Variants in FYB2 observed in about 807,000 individuals in gnomAD.
FYB2 encodes the protein FYN binding protein 2.
Under a neutral mutation model 94.1 loss-of-function variants are expected in FYB2, and 103 were observed. The observed-to-expected ratio is 1.09, with a 90% confidence interval of 0.93 to 1.29. The LOEUF is 1.29. Among genes scored for constraint, FYB2 ranks in the 50% most tolerant of loss-of-function variants. The pLI is 0.00. For synonymous variants in FYB2, 293 were observed against 287.9 expected, an observed-to-expected ratio of 1.02 and a Z score of -0.18; for missense variants, 896 against 841.5, an observed-to-expected ratio of 1.06 and a Z score of -0.80.
chr1:56,748,354 T>C (rs958237863), intron 9 of FYB2, among the ~76,000 whole-genome samples: 1 of 152,128 alleles, frequency 6.6e-6, no homozygotes, highest in African/African-American at 2.4e-5. Context: ...TGCCTAGGTT[T>C]TCTTCTTGGG....
At chr1:56,755,819 C>T in intron 7 of FYB2, 77 bp downstream of exon 7, 1 of 1,385,876 alleles carries the variant, frequency 7.2e-7, no homozygotes, top group Non-Finnish European at 1.0e-6. Flanking sequence ...CATAGCTGGC[C>T]CATAGAGGAA....
chr1:56,759,258 G>T (rs1557619511), intron 5 of FYB2, among the ~76,000 whole-genome samples: 1 of 152,150 alleles, frequency 6.6e-6, no homozygotes. Flanking sequence ...TTTATTTAAT[G>T]ACATGATGCC....
chr1:56,758,608 G>T (rs954481790), intron 6 of FYB2, 108 bp downstream of exon 6: 12 of 887,276 alleles, frequency 1.4e-5, no homozygotes, highest in Non-Finnish European at 2.0e-5. Flanking sequence ...GAAATAGGAG[G>T]AAAAATGAAA....
rs765537237 is a variant in FYB2, at chr1:56,789,070, G to A, written c.822C>T (p.Ser274=). The change falls in exon 3 of 20, where the codon TCC becomes TCT. Residue 274 remains serine (S), a synonymous_variant. Transcript: ENST00000343433. ...PKTKPLPSID[S]LGPPPPKPSR... ...AAGGCTTTGGGGGAGGAGGACCCAG[G>A]GAGTCGATGGAGGGCAATGGCTTTG... The A allele has an allele frequency of 4.3e-6, 7 of 1,613,356 alleles. No individual in the cohort carries two copies. The highest frequency in any genetic ancestry group is 1.6e-4 in the Middle Eastern group (1 of 6,070).
chr1:56,814,699 T>C (rs1324476555), intron 1 of FYB2, among the ~76,000 whole-genome samples: 1 of 152,178 alleles, frequency 6.6e-6, no homozygotes, highest in Non-Finnish European at 1.5e-5. Context: ...TATCTGAACT[T>C]AACCCAGGCC....
rs1570117284 is a variant in FYB2, at chr1:56,778,589, T to C, written c.953+8586A>G. On this transcript the variant is annotated intron_variant, in intron 4 of 19. Coordinates refer to ENST00000343433, the MANE Select transcript of FYB2 (RefSeq NM_001004303.5). Reference sequence around the variant, plus strand: ...TACTGTTCTAGAATATAAAAATAAATAGCAGTCAATGTCCTTAAACTCAGG... The same window carrying C: ...TACTGTTCTAGAATATAAAAATAAACAGCAGTCAATGTCCTTAAACTCAGG... Among the ~76,000 whole-genome samples, 7 of 152,292 alleles carry C rather than the reference T, an allele frequency of 4.6e-5. No homozygotes were observed. In the South Asian group the frequency reaches 1.2e-3, roughly 27 times the overall value.
rs34101290 is a variant in FYB2 at position 56,791,260 on chromosome 1, C to CT, written c.757+795dup. Among the ~76,000 whole-genome samples, 1,072 of 143,722 alleles carry CT rather than the reference C, an allele frequency of 7.5e-3. 7 individuals are homozygous for CT. The highest frequency in any genetic ancestry group is 0.022 in the East Asian group (109 of 4,878). 94.3% of individuals were successfully genotyped at this position (143,722 alleles called of 152,430 possible). ...GGTAGTAAAAAACTACAGTCCTTAT[C>CT]TTTTTTTTTTTTTTAGACAGGATCT... is the stretch of plus-strand genomic sequence containing the variant. On this transcript the variant is annotated intron_variant, in intron 2 of 19. Transcript: ENST00000343433.
chr1:56,789,030 C>A lies in FYB2; in HGVS notation c.862G>T (p.Val288Leu). 1 of 1,614,020 alleles carries A rather than the reference C, an allele frequency of 6.2e-7. No individual in the cohort carries two copies. The highest frequency in any genetic ancestry group is 2.2e-5 in the East Asian group (1 of 44,864). ...PPPKPSRPPI[V>L]NLQAFQRQPA... ...TGCCTCTGAAAGGCCTGGAGGTTCA[C>A]GATGGGAGGTCTTGAAGGCTTTGGG... The change falls in exon 3 of 20, where the codon GTG becomes TTG. Residue 288 changes from valine (V) to leucine (L), a missense_variant. Transcript: ENST00000343433.
chr1:56,810,155 T>C (rs1036814442), intron 1 of FYB2, among the ~76,000 whole-genome samples: 2 of 152,190 alleles, frequency 1.3e-5, no homozygotes, highest in South Asian at 2.1e-4. Flanking sequence ...GCAGAGTACA[T>C]GTTCAGTAAA....
At chr1:56,731,805 TA>T (rs1644716950) in intron 15 of FYB2, 1 of 152,136 alleles carries the variant, frequency 6.6e-6, no homozygotes, top group Non-Finnish European at 1.5e-5. Context: ...CCTTTCATAA[TA>T]AAAGCTCTCA....
intron 1 of FYB2, among the ~76,000 whole-genome samples, chr1:56,810,266 G>C (rs959638159): frequency 1.3e-5 from 2 of 152,024 alleles, no homozygotes; most frequent in African/African-American, 4.8e-5. Context: ...CTCCAATTTT[G>C]CCTCCTTCTT....
At chr1:56,729,120 T>G (rs1361733) in intron 15 of FYB2, among the ~76,000 whole-genome samples, 8,149 of 152,196 alleles carry the variant, frequency 0.054, 284 homozygotes, top group East Asian at 0.17. Flanking sequence ...ATTTTATGTC[T>G]TCCTAAGCAG....
intron 10 of FYB2, 25 bp from the exon 11 acceptor site, chr1:56,744,091 A>AT: frequency 1.9e-6 from 3 of 1,612,656 alleles, no homozygotes; most frequent in African/African-American, 2.7e-5. Context: ...AACAAAGACC[A>AT]TTATTGTACC....
At chr1:56,805,003 T>C (rs533031431) in intron 1 of FYB2, among the ~76,000 whole-genome samples, 1 of 152,300 alleles carries the variant, frequency 6.6e-6, no homozygotes, top group Non-Finnish European at 1.5e-5. Context: ...TTCCTGCTTT[T>C]CTTTGCCTGG....
chr1:56,779,798 C>T (rs1570121876), intron 4 of FYB2, among the ~76,000 whole-genome samples: 1 of 152,184 alleles, frequency 6.6e-6, no homozygotes, highest in Non-Finnish European at 1.5e-5. Context: ...AATTTGCAGT[C>T]TAATAGGTAT....
intron 17 of FYB2, among the ~76,000 whole-genome samples, chr1:56,721,392 C>T (rs985461426): frequency 6.6e-6 from 1 of 151,952 alleles, no homozygotes; most frequent in Admixed American, 6.6e-5. Context: ...TTAGAAGTGT[C>T]CTGTGTTTGG....
intron 11 of FYB2, 90 bp downstream of exon 11, chr1:56,743,936 G>T: frequency 1.5e-6 from 2 of 1,370,476 alleles, no homozygotes; most frequent in South Asian, 2.5e-5. Flanking sequence ...ATTAAAATAT[G>T]AATAATTAAA....
intron 4 of FYB2, among the ~76,000 whole-genome samples, chr1:56,777,404 C>T (rs994092633): frequency 1.3e-5 from 2 of 152,114 alleles, no homozygotes; most frequent in Non-Finnish European, 2.9e-5. Flanking sequence ...AACATACTCC[C>T]TGGATCTTCT....
At chr1:56,783,716 G>A (rs913770926) in intron 4 of FYB2, among the ~76,000 whole-genome samples, 3 of 152,088 alleles carry the variant, frequency 2.0e-5, no homozygotes, top group African/African-American at 7.2e-5. Context: ...GTGTGTGTAT[G>A]CATGTTATTT....
Sources: gnomAD v4.1 joint callset for allele counts (sites outside exome capture counted in the v4.1 genomes callset) on GRCh38, gnomAD v4.1.1 for gene constraint, MANE v1.5 for transcripts, NCBI Gene and HGNC (gene_info 2026-07-23, HGNC 2026-07-21) for gene names.